The following SORCS1 variants were observed in gnomAD, a reference collection of about 807,000 sequenced individuals.
SORCS1 encodes VPS10 domain-containing receptor SorCS1.
In SORCS1, 60 loss-of-function variants were observed where a neutral mutation model predicts 146.1. The observed-to-expected ratio is 0.41, with a 90% CI of 0.33 to 0.51. SORCS1 has a LOEUF of 0.51. Among genes scored for constraint, SORCS1 ranks in the 20% least tolerant of loss-of-function variants. The probability of loss-of-function intolerance (pLI) is 0.21; values close to 1 mark genes in which losing one functional copy is unlikely to be tolerated. For synonymous variants in SORCS1, 637 were observed against 584.0 expected, an observed-to-expected ratio of 1.09 and a Z score of -1.31; for missense variants, 1,352 against 1,487.6, an observed-to-expected ratio of 0.91 and a Z score of 1.50.
intron 1 of SORCS1, among the ~76,000 whole-genome samples, chr10:107,042,652 A>T (rs1227819218): frequency 6.7e-6 from 1 of 148,624 alleles, no homozygotes; most frequent in Non-Finnish European, 1.5e-5. Flanking sequence ...TCTTCTTGCC[A>T]AGGCTGGAGT....
chr10:107,059,149 T>C (rs1241648228), intron 1 of SORCS1, among the ~76,000 whole-genome samples: 1 of 152,156 alleles, frequency 6.6e-6, no homozygotes. Context: ...ACACAAGACA[T>C]AAAAACCTGT....
intron 1 of SORCS1, among the ~76,000 whole-genome samples, chr10:107,153,681 G>A (rs956780685): frequency 2.6e-5 from 4 of 152,226 alleles, no homozygotes; most frequent in Non-Finnish European, 4.4e-5. Flanking sequence ...CAGGCAACTT[G>A]AATGTGAGCT....
At chr10:106,966,668 C>A (rs72811179) in intron 1 of SORCS1, among the ~76,000 whole-genome samples, 1 of 152,216 alleles carries the variant, frequency 6.6e-6, no homozygotes, top group Admixed American at 6.5e-5. Context: ...GGAGAGCCCT[C>A]GTGAAGAGCA....
At chr10:106,651,290 C>T (rs1187977709) in intron 18 of SORCS1, among the ~76,000 whole-genome samples, 4 of 152,112 alleles carry the variant, frequency 2.6e-5, no homozygotes, top group African/African-American at 9.7e-5. Context: ...TTCATCTTTC[C>T]ACCTTCTTGT....
At chr10:106,874,797 G>A (rs770354909) in intron 2 of SORCS1, among the ~76,000 whole-genome samples, 6 of 152,208 alleles carry the variant, frequency 3.9e-5, no homozygotes, top group Non-Finnish European at 5.9e-5. Flanking sequence ...GAGGCAGGCA[G>A]TTGCTAGATC....
At chr10:106,930,876 G>T (rs191474762) in intron 2 of SORCS1, among the ~76,000 whole-genome samples, 4 of 152,202 alleles carry the variant, frequency 2.6e-5, no homozygotes. Flanking sequence ...CAAGACATGG[G>T]GAATCTGCCC....
At chr10:107,150,588 T>C (rs1968705794) in intron 1 of SORCS1, among the ~76,000 whole-genome samples, 2 of 152,234 alleles carry the variant, frequency 1.3e-5, no homozygotes. Context: ...GATTTGATTA[T>C]AAGTTCTTCT....
At chr10:106,595,958 A>G (rs762769449) in intron 24 of SORCS1, among the ~76,000 whole-genome samples, 34 of 152,320 alleles carry the variant, frequency 2.2e-4, no homozygotes, top group Non-Finnish European at 4.4e-4. Flanking sequence ...GTAAAAATAA[A>G]TATTAAAGCT....
At chr10:106,625,164 A>G (rs1193281194) in intron 19 of SORCS1, among the ~76,000 whole-genome samples, 1 of 151,874 alleles carries the variant, frequency 6.6e-6, no homozygotes, top group Non-Finnish European at 1.5e-5. Context: ...GCTGCAGGAA[A>G]CAACTGACGC....
At chr10:106,581,026 A>G (rs1316986170) in intron 24 of SORCS1, among the ~76,000 whole-genome samples, 2 of 152,162 alleles carry the variant, frequency 1.3e-5, no homozygotes, top group East Asian at 1.9e-4. Context: ...TGGAACGCCC[A>G]AGGCAAATTT....
chr10:106,701,587 G>A (rs541848612), intron 8 of SORCS1, among the ~76,000 whole-genome samples: 2 of 152,200 alleles, frequency 1.3e-5, no homozygotes, highest in African/African-American at 4.8e-5. Flanking sequence ...ATGAAAACAG[G>A]CTCAGCGGAT....
chr10:106,941,071 G>A (rs377151444), intron 2 of SORCS1, among the ~76,000 whole-genome samples: 28 of 152,088 alleles, frequency 1.8e-4, no homozygotes, highest in African/African-American at 5.8e-4. Flanking sequence ...CAGTTTCCAC[G>A]TCTACAAAAA....
At chr10:106,619,399 A>C in intron 20 of SORCS1, among the ~76,000 whole-genome samples, 1 of 152,220 alleles carries the variant, frequency 6.6e-6, no homozygotes, top group African/African-American at 2.4e-5. Flanking sequence ...TTATATCTCC[A>C]GCTAAAGCCA....
intron 2 of SORCS1, among the ~76,000 whole-genome samples, chr10:106,881,453 C>T (rs557996563): frequency 6.6e-6 from 1 of 152,272 alleles, no homozygotes; most frequent in South Asian, 2.1e-4. Context: ...ATTGACTAAT[C>T]CCACTCCTGG....
intron 3 of SORCS1, among the ~76,000 whole-genome samples, chr10:106,827,988 C>A (rs562462792): frequency 6.6e-6 from 1 of 152,334 alleles, no homozygotes; most frequent in East Asian, 1.9e-4. Flanking sequence ...CTGCTGGACA[C>A]TTCAGCAAGA....
chr10:106,993,537 A>G (rs1269649133), intron 1 of SORCS1, among the ~76,000 whole-genome samples: 1 of 152,180 alleles, frequency 6.6e-6, no homozygotes, highest in Non-Finnish European at 1.5e-5. Flanking sequence ...GTATGCAGGA[A>G]TTTCTTTTAA....
At chr10:107,177,503 T>A in the SORCS1 span, among the ~76,000 whole-genome samples, 1 of 152,326 alleles carries the variant, frequency 6.6e-6, no homozygotes, top group South Asian at 2.1e-4. Context: ...TGACAAATAA[T>A]AATTGCATAT....
chr10:106,656,990 G>C (rs1850344604), intron 17 of SORCS1, among the ~76,000 whole-genome samples: 1 of 152,120 alleles, frequency 6.6e-6, no homozygotes, highest in Non-Finnish European at 1.5e-5. Context: ...GCTTATATAT[G>C]GGGTAGGAAT....
chr10:106,894,272 T>TGC (rs764566539), intron 2 of SORCS1, among the ~76,000 whole-genome samples: 579 of 32,954 alleles, frequency 0.018, 2 homozygotes, highest in Non-Finnish European at 0.017. Flanking sequence ...CACGTGTGCG[T>TGC]GTGTGTGTGT....
Sources: allele counts gnomAD v4.1 joint callset (sites outside exome capture counted in the v4.1 genomes callset), GRCh38; gene constraint gnomAD v4.1.1; transcripts MANE v1.5; gene names NCBI Gene and HGNC (gene_info 2026-07-23, HGNC 2026-07-21).